LARP4: variants seen among roughly 807,000 people sequenced by gnomAD.
The protein encoded by LARP4 is la-related protein 4.
A neutral mutation model predicts 92.9 loss-of-function variants in LARP4; 29 were observed. That is an observed-to-expected ratio of 0.31 (90% CI 0.23 to 0.43). The LOEUF (loss-of-function observed/expected upper bound fraction) is 0.43. Among genes scored for constraint, LARP4 ranks in the 20% least tolerant of loss-of-function variants. LARP4 has a pLI of 1.00. For synonymous variants in LARP4, 279 were observed against 284.1 expected (o/e 0.98, Z 0.18); for missense variants, 732 against 860.0 (o/e 0.85, Z 1.86).
In LARP4 at chr12:50,475,942, G is replaced by A; in HGVS notation, c.*78G>A. ...GTGGCTATATTGAACTGTTTTGGAG[G>A]GGAGGGGGTAGCCAGGAAGGAAACA... is the stretch of plus-strand genomic sequence containing the variant. On this transcript the variant is annotated 3_prime_UTR_variant, in exon 16 of 16. Coordinates refer to ENST00000398473, the MANE Select transcript of LARP4 (RefSeq NM_052879.5). The A allele has an allele frequency of 8.1e-7, 1 of 1,230,330 alleles. No individual in the cohort carries two copies. The highest frequency in any genetic ancestry group is 1.1e-6 in the Non-Finnish European group (1 of 876,874). 76.2% of individuals were successfully genotyped at this position (1,230,330 alleles called of 1,614,324 possible).
intron 3 of LARP4, among the ~76,000 whole-genome samples, chr12:50,429,441 C>A (rs1161518599): frequency 1.3e-5 from 2 of 151,342 alleles, no homozygotes; most frequent in Non-Finnish European, 2.9e-5. Flanking sequence ...GAAACACTGT[C>A]CTATACTGAA....
rs1403436660 is a variant in LARP4, at chr12:50,453,597, C to A, written c.942C>A (p.His314Gln). The change falls in exon 9 of 16, where the codon CAC becomes CAA. Residue 314 changes from histidine to glutamine, a missense_variant. Transcript: ENST00000398473. Reference sequence around the variant, plus strand: ...TTATGCAGCCTGTATATAATCCTCACCAACAGTACTCGGTCTATAGTATTG... The same window carrying A: ...TTATGCAGCCTGTATATAATCCTCAACAACAGTACTCGGTCTATAGTATTG... ...PVFMQPVYNPHQQYSVYSIVP... is the reference protein window; with the variant it reads ...PVFMQPVYNPQQQYSVYSIVP... 3.7e-6 allele frequency: 6 copies of A among 1,613,754 alleles called. No individual in the cohort carries two copies. The highest frequency in any genetic ancestry group is 5.1e-6 in the Non-Finnish European group (6 of 1,179,738).
intron 4 of LARP4, among the ~76,000 whole-genome samples, chr12:50,431,642 C>T (rs1949675259): frequency 6.6e-6 from 1 of 151,968 alleles, no homozygotes; most frequent in African/African-American, 2.4e-5. Context: ...GTCAGGGGTT[C>T]AAGAACAGGC....
intron 8 of LARP4, among the ~76,000 whole-genome samples, chr12:50,443,319 C>T (rs373954151): frequency 8.5e-5 from 13 of 152,148 alleles, no homozygotes; most frequent in Admixed American, 2.0e-4. Flanking sequence ...CACCTAGGCT[C>T]GAGTGCAGGG....
chr12:50,462,542 C>CCGG, intron 11 of LARP4, 40 bp from the exon 12 acceptor site: 1 of 988,968 alleles, frequency 1.0e-6, no homozygotes, highest in Non-Finnish European at 1.6e-6. Context: ...ATGACTTGTC[C>CCGG]CTCCACCCCA....
rs756863416 is a variant in LARP4, at chr12:50,474,063, A to G, written c.1732A>G (p.Thr578Ala). The G allele has an allele frequency of 1.2e-6, 2 of 1,612,454 alleles. No individual in the cohort carries two copies. The highest frequency in any genetic ancestry group is 1.7e-6 in the Non-Finnish European group (2 of 1,179,768). The change falls in exon 15 of 16, where the codon ACA becomes GCA. Residue 578 changes from threonine to alanine, a missense_variant. This residue lies in a region of LARP4 where 97 missense variants were observed against 85.9 expected (regional missense o/e 1.13). Coordinates refer to ENST00000398473, the MANE Select transcript of LARP4 (RefSeq NM_052879.5). ...SSVQKDGLNQ[T>A]TIPVSPPSTT... is the part of the protein sequence containing the mutation. ...TGTTCAGAAGGATGGTCTCAATCAG[A>G]CAACTATACCAGTTTCTCCTCCAAG...
intron 13 of LARP4, among the ~76,000 whole-genome samples, chr12:50,471,057 G>A (rs1490869324): frequency 2.6e-5 from 4 of 152,146 alleles, no homozygotes; most frequent in Non-Finnish European, 4.4e-5. Context: ...GGGAGGCTGA[G>A]GTGGGAGGAT....
At chr12:50,415,270 A>T (rs1224161217) in intron 1 of LARP4, among the ~76,000 whole-genome samples, 1 of 152,142 alleles carries the variant, frequency 6.6e-6, no homozygotes, top group Admixed American at 6.6e-5. Context: ...AGATATAAAT[A>T]TGCCCAGAAG....
At chr12:50,434,035 C>A (rs1411436552) in intron 4 of LARP4, among the ~76,000 whole-genome samples, 1 of 152,064 alleles carries the variant, frequency 6.6e-6, no homozygotes, top group Non-Finnish European at 1.5e-5. Flanking sequence ...CAGCAGCGAT[C>A]CTTCATGGAA....
At chr12:50,469,511 G>A (rs1232368230) in intron 13 of LARP4, among the ~76,000 whole-genome samples, 1 of 151,470 alleles carries the variant, frequency 6.6e-6, no homozygotes, top group Non-Finnish European at 1.5e-5. Flanking sequence ...GGCTGAGGCA[G>A]GAGAATGGCA....
chr12:50,448,158 T>G (rs1186802241), intron 8 of LARP4, among the ~76,000 whole-genome samples: 1 of 152,100 alleles, frequency 6.6e-6, no homozygotes, highest in African/African-American at 2.4e-5. Context: ...AGCCACCAGG[T>G]CTGGCCCCAG....
intron 1 of LARP4, among the ~76,000 whole-genome samples, chr12:50,419,122 A>C (rs576891999): frequency 4.7e-4 from 71 of 152,234 alleles, no homozygotes; most frequent in African/African-American, 1.7e-3. Flanking sequence ...GCACTTTGGG[A>C]GGCTGATGCA....
chr12:50,434,460 C>A (rs1282167067), intron 4 of LARP4, among the ~76,000 whole-genome samples: 2 of 149,088 alleles, frequency 1.3e-5, no homozygotes, highest in Non-Finnish European at 3.0e-5. Flanking sequence ...CCCTTGTTGC[C>A]CCAACTGGAG....
intron 14 of LARP4, 59 bp from the exon 15 acceptor site, chr12:50,473,940 G>A: frequency 7.0e-7 from 1 of 1,435,958 alleles, no homozygotes; most frequent in Non-Finnish European, 9.6e-7. Flanking sequence ...CTTCTGATTA[G>A]TTGCTCAACT....
At chr12:50,401,123 C>A (rs528480074) in intron 1 of LARP4, 95 bp downstream of exon 1, 4 of 1,430,030 alleles carry the variant, frequency 2.8e-6, no homozygotes, top group South Asian at 2.3e-5. Flanking sequence ...CCGGGCCGTA[C>A]ACGCCGCGGA....
intron 8 of LARP4, among the ~76,000 whole-genome samples, chr12:50,446,879 AG>A (rs888591703): frequency 1.3e-5 from 2 of 152,156 alleles, no homozygotes; most frequent in African/African-American, 2.4e-5. Context: ...CAGTTTGTCA[AG>A]GTTGGCCATA....
chr12:50,402,915 CAT>C, intron 1 of LARP4: 3 of 409,756 alleles, frequency 7.3e-6, no homozygotes, highest in East Asian at 1.5e-4. Flanking sequence ...TTCATTTTCT[CAT>C]ATGAGTTTTA....
intron 1 of LARP4, among the ~76,000 whole-genome samples, chr12:50,411,070 C>CCGTAG (rs1158115083): frequency 3.3e-5 from 5 of 152,214 alleles, no homozygotes; most frequent in African/African-American, 1.2e-4. Context: ...CCTTGCTGTT[C>CCGTAG]AAAGTGTTAT....
chr12:50,457,812 C>A (rs199810562), intron 10 of LARP4, among the ~76,000 whole-genome samples: 96 of 144,966 alleles, frequency 6.6e-4, no homozygotes, highest in Non-Finnish European at 7.4e-4. Flanking sequence ...AGACCTTTCT[C>A]AAAAAAAAAA....
Sources: gnomAD v4.1 joint callset for allele counts (sites outside exome capture counted in the v4.1 genomes callset) on GRCh38, gnomAD v4.1.1 for gene constraint, gnomAD v4.1.1 regional missense constraint, MANE v1.5 for transcripts, NCBI Gene and HGNC (gene_info 2026-07-23, HGNC 2026-07-21) for gene names.